IL1RAPL1: variants seen among roughly 807,000 people sequenced by gnomAD.
The protein encoded by IL1RAPL1 is interleukin-1 receptor accessory protein-like 1.
Under a neutral mutation model 48.4 loss-of-function variants are expected in IL1RAPL1, and 3 were observed. The ratio of observed to expected loss-of-function variants is 0.06; its 90% CI spans 0.03 to 0.16. The LOEUF is 0.16. Among genes scored for constraint, IL1RAPL1 ranks in the 10% least tolerant of loss-of-function variants. The probability of loss-of-function intolerance (pLI) is 1.00; values close to 1 mark genes in which losing one functional copy is unlikely to be tolerated. For missense variants in IL1RAPL1, 349 were observed against 530.6 expected (o/e 0.66, Z 3.36); for synonymous variants, 185 against 187.7 (o/e 0.99, Z 0.12).
chrX:29,204,077 C>T, intron 2 of IL1RAPL1, among the ~76,000 whole-genome samples: 1 of 110,579 alleles, frequency 9.0e-6, no homozygotes, highest in East Asian at 2.9e-4. Flanking sequence ...GTATATACAC[C>T]ACATTTTCTT....
intron 5 of IL1RAPL1, among the ~76,000 whole-genome samples, chrX:29,569,641 AAAAC>A (rs773045123): frequency 3.7e-5 from 4 of 107,043 alleles, no homozygotes; most frequent in African/African-American, 1.4e-4. Flanking sequence ...GCAAAAAAAA[AAAAC>A]AACTGCCATT....
intron 5 of IL1RAPL1, among the ~76,000 whole-genome samples, chrX:29,499,789 C>A (rs186641995): frequency 0.012 from 1,301 of 111,050 alleles, 15 homozygotes; most frequent in African/African-American, 0.041. Context: ...ATAATCTTTG[C>A]TGTTTATTTC....
At chrX:29,882,205 G>C (rs1458207200) in intron 6 of IL1RAPL1, among the ~76,000 whole-genome samples, 1 of 110,972 alleles carries the variant, frequency 9.0e-6, no homozygotes, top group East Asian at 2.8e-4. Context: ...GTATATCCAG[G>C]GTCATCCCAT....
chrX:29,608,697 G>A (rs1486418033), intron 5 of IL1RAPL1, among the ~76,000 whole-genome samples: 1 of 99,503 alleles, frequency 1.0e-5, no homozygotes, highest in East Asian at 3.3e-4. Flanking sequence ...GTGGTGGCGG[G>A]CGCCTGTAGT....
intron 2 of IL1RAPL1, among the ~76,000 whole-genome samples, chrX:29,041,101 T>C (rs1926836794): frequency 8.9e-6 from 1 of 111,897 alleles, no homozygotes; most frequent in South Asian, 3.7e-4. Flanking sequence ...AGAGCATAAA[T>C]ATTTTAGCAA....
chrX:29,597,217 G>C (rs1923581281), intron 5 of IL1RAPL1, among the ~76,000 whole-genome samples: 1 of 100,644 alleles, frequency 9.9e-6, no homozygotes, highest in South Asian at 4.7e-4. Flanking sequence ...GCAATGGCGC[G>C]ATATCGGCTC....
chrX:29,045,740 AT>A (rs1926941811), intron 2 of IL1RAPL1, among the ~76,000 whole-genome samples: 1 of 112,036 alleles, frequency 8.9e-6, no homozygotes, highest in African/African-American at 3.2e-5. Flanking sequence ...CTACAAACAC[AT>A]TTTAAAACCA....
chrX:29,740,438 C>T (rs1233487786), intron 6 of IL1RAPL1, among the ~76,000 whole-genome samples: 2 of 111,907 alleles, frequency 1.8e-5, no homozygotes, highest in Non-Finnish European at 3.8e-5. Context: ...GTTATCTTTC[C>T]TTCAGGGTTC....
chrX:29,171,056 G>GCTCCAGCT (rs1929897869), intron 2 of IL1RAPL1, among the ~76,000 whole-genome samples: 1 of 110,971 alleles, frequency 9.0e-6, no homozygotes, highest in Non-Finnish European at 1.9e-5. Flanking sequence ...GAGTACAGTG[G>GCTCCAGCT]CACGATCTCG....
intron 5 of IL1RAPL1, among the ~76,000 whole-genome samples, chrX:29,505,735 T>C (rs1442705745): frequency 8.9e-6 from 1 of 111,858 alleles, no homozygotes; most frequent in Non-Finnish European, 1.9e-5. Context: ...TTGGGTCGAA[T>C]GTATTTTGTG....
chrX:29,452,357 T>C (rs1468622628), intron 5 of IL1RAPL1, among the ~76,000 whole-genome samples: 1 of 111,875 alleles, frequency 8.9e-6, no homozygotes, highest in Non-Finnish European at 1.9e-5. Flanking sequence ...AGTGAGGTCA[T>C]CTATTACATG....
chrX:29,590,621 C>T (rs971570715), intron 5 of IL1RAPL1, among the ~76,000 whole-genome samples: 1 of 111,664 alleles, frequency 9.0e-6, no homozygotes, highest in African/African-American at 3.3e-5. Flanking sequence ...TGCTGACCCG[C>T]CCATGCTCCT....
intron 6 of IL1RAPL1, among the ~76,000 whole-genome samples, chrX:29,836,489 C>T (rs1018433622): frequency 9.0e-6 from 1 of 111,533 alleles, no homozygotes. Flanking sequence ...GTGCCTGGCC[C>T]GTGTTTCCAT....
At chrX:29,546,166 G>C (rs1240257993) in intron 5 of IL1RAPL1, among the ~76,000 whole-genome samples, 1 of 111,886 alleles carries the variant, frequency 8.9e-6, no homozygotes, top group Non-Finnish European at 1.9e-5. Flanking sequence ...GAGAAACCCT[G>C]TATCTAGACC....
intron 5 of IL1RAPL1, among the ~76,000 whole-genome samples, chrX:29,477,702 T>C (rs1466491477): frequency 1.8e-5 from 2 of 112,146 alleles, no homozygotes; most frequent in African/African-American, 6.5e-5. Flanking sequence ...TGAGTAGTTA[T>C]GAGAAGTTAC....
At chrX:29,893,725 G>A (rs1468539930) in intron 6 of IL1RAPL1, among the ~76,000 whole-genome samples, 1 of 111,384 alleles carries the variant, frequency 9.0e-6, no homozygotes, top group African/African-American at 3.3e-5. Context: ...CAGGGACATT[G>A]GTTTTGCAAT....
chrX:29,543,403 C>T (rs766026777), intron 5 of IL1RAPL1, among the ~76,000 whole-genome samples: 28 of 110,053 alleles, frequency 2.5e-4, no homozygotes, highest in Non-Finnish European at 4.2e-4. Flanking sequence ...ATAAGTAGCC[C>T]TCCTTCCTTG....
intron 6 of IL1RAPL1, among the ~76,000 whole-genome samples, chrX:29,803,865 A>G (rs1202747041): frequency 3.6e-5 from 4 of 110,637 alleles, no homozygotes; most frequent in Non-Finnish European, 7.6e-5. Flanking sequence ...AATAAAGACC[A>G]GAGGAAGCTA....
intron 5 of IL1RAPL1, among the ~76,000 whole-genome samples, chrX:29,651,437 C>CA (rs376172812): frequency 0.039 from 4,129 of 106,176 alleles, 188 homozygotes; most frequent in African/African-American, 0.13. Flanking sequence ...ACTGTTTAGC[C>CA]AAAAAAAAAT....
Sources: gnomAD v4.1 joint callset for allele counts (sites outside exome capture counted in the v4.1 genomes callset) on GRCh38, gnomAD v4.1.1 for gene constraint, MANE v1.5 for transcripts, NCBI Gene and HGNC (gene_info 2026-07-23, HGNC 2026-07-21) for gene names.